NT5C3B: variants seen among roughly 807,000 people sequenced by gnomAD.
The protein encoded by NT5C3B is 7-methylguanosine phosphate-specific 5'-nucleotidase.
NT5C3B carries 28 observed loss-of-function variants against 32.5 expected under a neutral mutation model. That is an observed-to-expected ratio of 0.86 (90% CI 0.64 to 1.18). NT5C3B has a LOEUF of 1.18. Ranked by LOEUF, NT5C3B falls within the 50% of genes most tolerant of loss-of-function variation. The pLI, the probability that NT5C3B is intolerant of heterozygous loss-of-function variation, is 0.00. For synonymous variants in NT5C3B, 138 were observed against 118.0 expected, an observed-to-expected ratio of 1.17 and a Z score of -1.10; for missense variants, 317 against 322.0, an observed-to-expected ratio of 0.98 and a Z score of 0.12.
rs781873342 is a variant in NT5C3B, at chr17:41,832,422, A to C, written c.284T>G (p.Val95Gly). Residue 95 changes from valine (V) to glycine (G), a missense_variant, in exon 5 of 9, where the codon GTC becomes GGC. By Grantham distance (109) the Val-to-Gly change is moderately radical. Transcript: ENST00000435506. ...CACCATATGAGGTAGCTTCTCCTTG[A>C]CGGTCCGGTGTGGGTCGATCTCAAT... ...YPIEIDPHRTVKEKLPHMVEW... is the reference protein window; with the variant it reads ...YPIEIDPHRTGKEKLPHMVEW... The C allele has an allele frequency of 6.2e-7, 1 of 1,613,688 alleles. No homozygotes were observed. The highest frequency in any genetic ancestry group is 8.5e-7 in the Non-Finnish European group (1 of 1,179,780).
intron 8 of NT5C3B, among the ~76,000 whole-genome samples, chr17:41,826,999 C>CAA (rs34220910): frequency 8.4e-6 from 1 of 118,818 alleles, no homozygotes; most frequent in Non-Finnish European, 1.8e-5. Context: ...GACTCTATCT[C>CAA]AAAAAAAAAA....
At chr17:41,835,502 A>G (rs1414175705) in intron 2 of NT5C3B, 2 of 667,452 alleles carry the variant, frequency 3.0e-6, no homozygotes, top group African/African-American at 3.6e-5. Flanking sequence ...AAGGGTGAAT[A>G]CTCAGGACCC....
intron 6 of NT5C3B, among the ~76,000 whole-genome samples, chr17:41,829,646 T>A (rs1555618757): frequency 6.6e-6 from 1 of 152,232 alleles, no homozygotes; most frequent in African/African-American, 2.4e-5. Flanking sequence ...TTGCATGTAA[T>A]GAGTTTATCC....
chr17:41,831,472 T>C (rs1373230902), intron 5 of NT5C3B, among the ~76,000 whole-genome samples: 2 of 152,120 alleles, frequency 1.3e-5, no homozygotes, highest in African/African-American at 4.8e-5. Context: ...GTGATGATGA[T>C]TGCTGTGGTT....
chr17:41,833,342 A>AT (rs1555619328), intron 4 of NT5C3B, among the ~76,000 whole-genome samples: 17 of 149,562 alleles, frequency 1.1e-4, no homozygotes, highest in African/African-American at 3.7e-4. Context: ...TTTTGAGACA[A>AT]GTCTCACTCT....
At chr17:41,833,516 C>T (rs1357792839) in intron 4 of NT5C3B, among the ~76,000 whole-genome samples, 9 of 152,078 alleles carry the variant, frequency 5.9e-5, no homozygotes, top group Admixed American at 3.3e-4. Context: ...CAGGGTTTTG[C>T]CATGTTGTCC....
intron 7 of NT5C3B, chr17:41,828,440 C>G (rs564100628): frequency 5.7e-4 from 104 of 181,364 alleles, no homozygotes; most frequent in African/African-American, 2.4e-3. Context: ...TGGGTTCAGG[C>G]AATTCTCCTG....
At position 41,830,869 on chromosome 17, in the gene NT5C3B, G is replaced by A; in HGVS notation, c.336C>T (p.Leu112=). The change falls in exon 6 of 9, where the codon CTC becomes CTT. Residue 112 remains leucine (L), a synonymous_variant. Coordinates refer to ENST00000435506, the MANE Select transcript of NT5C3B (RefSeq NM_052935.5). ...ACTTCTGAATCTTCTGCTGACATAG[G>A]AGATTGTGTGCTTTGGTCCACCTAG... The part of the protein sequence containing the change: ...MVEWWTKAHN[L]LCQQKIQKFQ... 1.2e-6 allele frequency: 2 copies of A among 1,608,752 alleles called. No homozygotes were observed. Among genetic ancestry groups the A allele is most frequent in the Non-Finnish European group, 1.7e-6 (2 of 1,177,314 alleles).
At chr17:41,832,154 C>T (rs1555619135) in intron 5 of NT5C3B, among the ~76,000 whole-genome samples, 2 of 152,228 alleles carry the variant, frequency 1.3e-5, no homozygotes, top group Non-Finnish European at 2.9e-5. Context: ...TATCCCCCAA[C>T]ACCAAGCGTC....
chr17:41,826,674 C>G (rs2047969728), intron 8 of NT5C3B, among the ~76,000 whole-genome samples: 1 of 151,824 alleles, frequency 6.6e-6, no homozygotes, highest in Non-Finnish European at 1.5e-5. Flanking sequence ...GATTCCATCT[C>G]AAAATAAATA....
At chr17:41,830,377 G>A (rs539685434) in intron 6 of NT5C3B, among the ~76,000 whole-genome samples, 2 of 152,220 alleles carry the variant, frequency 1.3e-5, no homozygotes, top group Admixed American at 6.5e-5. Flanking sequence ...GTGTGGTGGC[G>A]GGCACCTGTA....
intron 7 of NT5C3B, among the ~76,000 whole-genome samples, chr17:41,828,004 G>C (rs2047994008): frequency 6.6e-6 from 1 of 152,214 alleles, no homozygotes; most frequent in Non-Finnish European, 1.5e-5. Context: ...CAGATCATCT[G>C]TTCTGGTGGA....
At chr17:41,833,915 T>C (rs1188706243) in intron 4 of NT5C3B, among the ~76,000 whole-genome samples, 1 of 152,114 alleles carries the variant, frequency 6.6e-6, no homozygotes, top group African/African-American at 2.4e-5. Flanking sequence ...CTAGTAAAAA[T>C]GAGAATTGAC....
At chr17:41,834,749 A>AAAAC (rs1190200713) in intron 4 of NT5C3B, among the ~76,000 whole-genome samples, 3 of 152,294 alleles carry the variant, frequency 2.0e-5, no homozygotes, top group Admixed American at 1.3e-4. Context: ...ACCCTGTCTC[A>AAAAC]AAACAAACAA....
rs2047946581 is a variant in NT5C3B at position 41,825,554 on chromosome 17, T to C, written c.872A>G (p.Gln291Arg). Residue 291 changes from glutamine to arginine, a missense_variant, in exon 9 of 9, where the codon CAG becomes CGG. Transcript: ENST00000435506. ...VNGLLQHILC[Q>R]GVQLEMQGP is the part of the protein sequence containing the mutation. ...GCCTTGCATCTCCAGCTGGACCCCC[T>C]GGCACAGGATGTGCTGCAGTAGCCC... is the stretch of plus-strand genomic sequence containing the variant. The C allele has an allele frequency of 2.3e-6, 2 of 872,722 alleles. No individual in the cohort carries two copies. The highest frequency in any genetic ancestry group is 3.3e-5 in the African/African-American group (2 of 61,478). The allele number at this position is 872,722 out of a possible 1,614,324, so 54.1% of individuals were successfully genotyped here.
rs56965181 is a variant in NT5C3B, at chr17:41,834,393, TACAC to T, written c.228+673_228+676del. On this transcript the variant is annotated intron_variant, in intron 4 of 8. Transcript: ENST00000435506. The stretch of plus-strand genomic sequence containing the variant: ...CAAGACTCTGTCTCAAAAAAAAAAA[TACAC>T]ACACACACACACACACACACACACA... Among the ~76,000 whole-genome samples, 1,213 of 139,744 alleles carry T rather than the reference TACAC, an allele frequency of 8.7e-3. 20 individuals carry two copies. Among genetic ancestry groups the T allele is most frequent in the African/African-American group, 0.027 (994 of 37,128 alleles). 91.7% of individuals were successfully genotyped at this position (139,744 alleles called of 152,430 possible).
At chr17:41,830,980 C>A (rs1238275097) in intron 5 of NT5C3B, 90 bp from the exon 6 acceptor site, 1 of 845,140 alleles carries the variant, frequency 1.2e-6, no homozygotes, top group African/African-American at 1.7e-5. Context: ...TACCCTCTGA[C>A]AGCATTGCCG....
chr17:41,835,770 C>A, intron 2 of NT5C3B, 89 bp downstream of exon 2: 2 of 1,290,620 alleles, frequency 1.5e-6, no homozygotes, highest in South Asian at 2.5e-5. Context: ...AGGAGGGGTC[C>A]GCGGCAGAGC....
chr17:41,835,773 G>T, intron 2 of NT5C3B, 86 bp downstream of exon 2: 1 of 1,305,238 alleles, frequency 7.7e-7, no homozygotes, highest in Non-Finnish European at 1.1e-6. Flanking sequence ...AGGGGTCCGC[G>T]GCAGAGCAAA....
Sources: allele counts gnomAD v4.1 joint callset (sites outside exome capture counted in the v4.1 genomes callset), GRCh38; gene constraint gnomAD v4.1.1; transcripts MANE v1.5; gene names NCBI Gene and HGNC (gene_info 2026-07-23, HGNC 2026-07-21).